Variants in KMT2D observed in about 807,000 individuals in gnomAD.
The protein encoded by KMT2D is lysine methyltransferase 2D, also known as histone-lysine N-methyltransferase 2D.
KMT2D carries 55 observed loss-of-function variants against 512.7 expected under a neutral mutation model. That is an observed-to-expected ratio of 0.11 (90% confidence interval 0.09 to 0.13). The LOEUF (loss-of-function observed/expected upper bound fraction) is 0.13, where lower values mean the gene tolerates loss of function less well. Ranked by LOEUF, KMT2D falls within the 10% of genes least tolerant of loss-of-function variation. The pLI, the probability that KMT2D is intolerant of heterozygous loss-of-function variation, is 1.00. For synonymous variants in KMT2D, 2,995 were observed against 2,904.0 expected, an observed-to-expected ratio of 1.03 and a Z score of -1.01; for missense variants, 6,061 against 7,127.9, an observed-to-expected ratio of 0.85 and a Z score of 5.39.
intron 19 of KMT2D, among the ~76,000 whole-genome samples, chr12:49,045,509 T>C (rs1943741830): frequency 6.6e-6 from 1 of 151,956 alleles, no homozygotes; most frequent in South Asian, 2.1e-4. Context: ...CCGGGCGTGG[T>C]GGCGGGCACC....
chr12:49,036,460 C>T (rs1943220635), intron 35 of KMT2D, among the ~76,000 whole-genome samples: 1 of 149,828 alleles, frequency 6.7e-6, no homozygotes, highest in Non-Finnish European at 1.5e-5. Context: ...TACAGGCGTG[C>T]ACCACCACAC....
rs1432001329 is a variant in KMT2D, at chr12:49,041,004, C to A, written c.6766G>T (p.Ala2256Ser). The A allele has an allele frequency of 6.3e-7, 1 of 1,592,892 alleles. No individual in the cohort carries two copies. Among genetic ancestry groups the A allele is most frequent in the Non-Finnish European group, 8.6e-7 (1 of 1,168,510 alleles). The change falls in exon 32 of 55, where the codon GCT (alanine) becomes TCT (serine). Residue 2256 changes from alanine (A) to serine (S), a missense_variant. Physicochemically the swap from Ala to Ser is moderately conservative, Grantham distance 99. This residue lies in a region of KMT2D where 710 missense variants were observed against 647.3 expected (regional missense o/e 1.10). Coordinates refer to ENST00000301067, the MANE Select transcript of KMT2D (RefSeq NM_003482.4). The surrounding 1 kb of genome is among the most constrained non-coding windows in gnomAD (Gnocchi z 5.4). ...KPRCPSLDNL[A>S]VPESPGVGGG... ...CCTACCCCAGGGCTCTCAGGCACAG[C>A]CAAGTTATCCAGCGAGGGGCAGCGG...
chr12:49,057,420 C>T (rs1036572787), intron 1 of KMT2D, among the ~76,000 whole-genome samples: 1 of 152,172 alleles, frequency 6.6e-6, no homozygotes, highest in South Asian at 2.1e-4. Flanking sequence ...CCTCAGCCCT[C>T]CCCCGAGCTC....
At position 49,034,464 on chromosome 12, in the gene KMT2D, C is replaced by T; in HGVS notation, c.10453G>A (p.Gly3485Ser). The stretch of plus-strand genomic sequence containing the variant: ...TTGGGACGAGGCTGGGAGGGATCAC[C>T]AGCACTCCGCTCCTGCAATGAGAGA... ...AAGSGQERSA[G>S]DPSQPRPNPP... is the part of the protein sequence containing the mutation. Residue 3485 changes from glycine (G) to serine (S), a missense_variant, in exon 38 of 55, where the codon GGT becomes AGT. By Grantham distance (56) the Gly-to-Ser change is moderately conservative. Transcript: ENST00000301067. 6.2e-7 allele frequency: 1 copy of T among 1,613,740 alleles called. No homozygotes were observed. The highest frequency in any genetic ancestry group is 8.5e-7 in the Non-Finnish European group (1 of 1,179,818).
At position 49,037,443 on chromosome 12, in the gene KMT2D, T is replaced by C. The variant is rs755854926; in HGVS notation, c.9913A>G (p.Ser3305Gly). 2.0e-5 allele frequency: 32 copies of C among 1,583,570 alleles called. No individual in the cohort carries two copies. In the South Asian group the frequency reaches 3.5e-4, roughly 17 times the overall value. ...MSLPHEGSSP[S>G]LAGSQQQLSL... ...AGCTGCTGTTGGGACCCAGCCAAAC[T>C]GGGAGAAGAGCCCTCATGTGGCAAA... The change falls in exon 35 of 55, where the codon AGT (serine) becomes GGT (glycine). Residue 3305 changes from serine to glycine, a missense_variant. Physicochemically the swap from Ser to Gly is moderately conservative, Grantham distance 56. Around this residue, in one of 16 missense-constraint regions of KMT2D, gnomAD observed 533 missense variants for 539.6 expected, o/e 0.99. Transcript: ENST00000301067.
At chr12:49,045,281 T>C (rs1010775930) in intron 19 of KMT2D, among the ~76,000 whole-genome samples, 3 of 152,152 alleles carry the variant, frequency 2.0e-5, no homozygotes, top group African/African-American at 7.2e-5. Flanking sequence ...CAGCACACAG[T>C]GTCCTAGATG....
chr12:49,032,112 C>G lies in KMT2D; in HGVS notation c.12593G>C (p.Arg4198Pro). The change falls in exon 40 of 55, where the codon CGA becomes CCA. Residue 4198 changes from arginine to proline, a missense_variant. Transcript: ENST00000301067. ...GGCCAGGACTCCTTGGAGCTGTGCTCGAAGCTGACCCACCGTAGGCATGAT... is the reference window on the plus strand; with the variant it reads ...GGCCAGGACTCCTTGGAGCTGTGCTGGAAGCTGACCCACCGTAGGCATGAT... ...VGIMPTVGQL[R>P]AQLQGVLAKN... 2 of 1,613,832 alleles carry G rather than the reference C, an allele frequency of 1.2e-6. No homozygotes were observed. Among genetic ancestry groups the G allele is most frequent in the Non-Finnish European group, 1.7e-6 (2 of 1,179,828 alleles).
At position 49,042,480 on chromosome 12, in the gene KMT2D, T is replaced by G. The variant is rs1343589973; in HGVS notation, c.5867+81A>C. 1.3e-6 allele frequency: 2 copies of G among 1,539,246 alleles called. No individual in the cohort carries two copies. The highest frequency in any genetic ancestry group is 4.8e-5 in the East Asian group (2 of 42,048). On this transcript the variant is annotated intron_variant, in intron 28 of 54. Coordinates refer to ENST00000301067, the MANE Select transcript of KMT2D (RefSeq NM_003482.4). The surrounding 1 kb of genome is among the most constrained non-coding windows in gnomAD (Gnocchi z 4.4). ...AGGAGCAGGGGAAGTGCTGCAGGAG[T>G]CCGAGGGAGGCAAAGCATGAACTCA...
rs775496424 is a variant in KMT2D, at chr12:49,051,104, A to C, written c.2579T>G (p.Leu860Arg). 4 of 1,521,404 alleles carry C rather than the reference A, an allele frequency of 2.6e-6. No homozygotes were observed. The highest frequency in any genetic ancestry group is 3.5e-6 in the Non-Finnish European group (4 of 1,136,538). The allele number at this position is 1,521,404 out of a possible 1,614,324, so 94.2% of individuals were successfully genotyped here. A position where few individuals can be genotyped will look rare whatever the true frequency, so the allele number is the denominator to read the frequency against. Residue 860 changes from leucine (L) to arginine (R), a missense_variant, in exon 11 of 55, where the codon CTG becomes CGG. By Grantham distance (102) the Leu-to-Arg change is moderately radical (BLOSUM62 -2). Coordinates refer to ENST00000301067, the MANE Select transcript of KMT2D (RefSeq NM_003482.4). ...AGGGGGCTTTTCAGGCCGAGGGGAC[A>C]GGGGTGGCTTCTCAAGCTCAGGGGA... Reference protein sequence around the residue: ...HLSPELEKPPLSPRPEKPPEE... With the variant: ...HLSPELEKPPRSPRPEKPPEE...
In KMT2D at chr12:49,032,573, A is replaced by G. The variant is rs1351377840; in HGVS notation, c.12132T>C (p.His4044=). 1 of 1,613,534 alleles carries G rather than the reference A, an allele frequency of 6.2e-7. No homozygotes were observed. The highest frequency in any genetic ancestry group is 1.7e-5 in the Admixed American group (1 of 59,960). Residue 4044 remains histidine, a synonymous_variant, in exon 40 of 55, where the codon CAT becomes CAC. Coordinates refer to ENST00000301067, the MANE Select transcript of KMT2D (RefSeq NM_003482.4). The stretch of plus-strand genomic sequence containing the variant: ...TTCCTATTGCTAACGGCCCTCCCTG[A>G]TGTGTAGAGGGCCCCTCAGTGGCCT... ...SSEATEGPST[H]QGGPLAIGTT...
In KMT2D at chr12:49,031,470, T is replaced by C; in HGVS notation, c.13235A>G (p.Gln4412Arg). Residue 4412 changes from glutamine (Q) to arginine (R), a missense_variant, in exon 40 of 55, where the codon CAA becomes CGA. Gln to Arg is a conservative substitution (Grantham distance 43). Coordinates refer to ENST00000301067, the MANE Select transcript of KMT2D (RefSeq NM_003482.4). ...CCGAGGTTCCTGCTTGATGCTGAGT[T>C]GGGATGCCTCAGGCACCACCTGTCC... ...VNGQVVPEAS[Q>R]LSIKQEPREE... The C allele has an allele frequency of 6.2e-7, 1 of 1,613,732 alleles. No homozygotes were observed. Among genetic ancestry groups the C allele is most frequent in the South Asian group, 1.1e-5 (1 of 91,054 alleles).
In KMT2D at chr12:49,044,631, C is replaced by T. The variant is rs1180986914; in HGVS notation, c.4964-109G>A. ...ATACCTTGCCTCAGAGCCACTTAGA[C>T]GAGACAGCAGTGCTTAAGGGTAACT... On this transcript the variant is annotated intron_variant, in intron 20 of 54. Coordinates refer to ENST00000301067, the MANE Select transcript of KMT2D (RefSeq NM_003482.4). The surrounding 1 kb of genome is among the most constrained non-coding windows in gnomAD (Gnocchi z 6.4). 50 of 1,555,732 alleles carry T rather than the reference C, an allele frequency of 3.2e-5. No individual in the cohort carries two copies. The highest frequency in any genetic ancestry group is 3.9e-5 in the Non-Finnish European group (45 of 1,144,364).
chr12:49,026,404 T>C lies in KMT2D; in HGVS notation c.15562A>G (p.Ile5188Val), dbSNP rs778247722. 19 of 1,613,882 alleles carry C rather than the reference T, an allele frequency of 1.2e-5. No individual in the cohort carries two copies. Among genetic ancestry groups the C allele is most frequent in the Middle Eastern group, 1.6e-4 (1 of 6,062 alleles). Residue 5188 changes from isoleucine to valine, a missense_variant, in exon 49 of 55, where the codon ATC becomes GTC. Physicochemically the swap from Ile to Val is conservative, Grantham distance 29. Coordinates refer to ENST00000301067, the MANE Select transcript of KMT2D (RefSeq NM_003482.4). This position sits in a 1 kb window ranked among gnomAD's most constrained non-coding sequence, Gnocchi z 9.6. ...ATCTGGTGAGGCAGCAGCTGTCCGA[T>C]GGCGTGGAACACAAGGCCCCCCACA... ...FRVGGLVFHAIGQLLPHQMAD... is the reference protein window; with the variant it reads ...FRVGGLVFHAVGQLLPHQMAD...
rs1234647444 is a variant in KMT2D at position 49,046,574 on chromosome 12, C to A, written c.4418+35G>T. The A allele has an allele frequency of 1.3e-5, 21 of 1,593,982 alleles. No individual in the cohort carries two copies. The Middle Eastern group carries it at 1.4e-3, about 105-fold the overall frequency. On this transcript the variant is annotated intron_variant, in intron 16 of 54. Transcript: ENST00000301067. The surrounding 1 kb of genome is among the most constrained non-coding windows in gnomAD (Gnocchi z 4.2). ...TCATATCCACTTTAACATCTCAAGG[C>A]CCCAGGGCTCCACTGAAGATCCCAG...
Position 49,030,731 on chromosome 12 carries a change from G to A in KMT2D, c.13709C>T (p.Thr4570Ile), listed in dbSNP as rs1942862252. The change falls in exon 42 of 55, where the codon ACC (threonine) becomes ATC (isoleucine). Residue 4570 changes from threonine to isoleucine, a missense_variant. This residue lies in a region of KMT2D where 1,600 missense variants were observed against 1,754.9 expected (regional missense o/e 0.91). Coordinates refer to ENST00000301067, the MANE Select transcript of KMT2D (RefSeq NM_003482.4). ...GGGGGCAAAGAGGCTAAAATTGGCG[G>A]TGATAGCAGGCTCCGTTAGGGGCAG... is the stretch of plus-strand genomic sequence containing the variant. ...SLLPLTEPAI[T>I]ANFSLFAPFG... The A allele has an allele frequency of 3.7e-6, 6 of 1,613,702 alleles. No homozygotes were observed. The highest frequency in any genetic ancestry group is 5.1e-6 in the Non-Finnish European group (6 of 1,179,882).
chr12:49,042,599 G>A lies in KMT2D; in HGVS notation c.5829C>T (p.Ser1943=), dbSNP rs2120557290. 2 of 1,613,864 alleles carry A rather than the reference G, an allele frequency of 1.2e-6. No homozygotes were observed. The highest frequency in any genetic ancestry group is 1.7e-6 in the Non-Finnish European group (2 of 1,179,788). Residue 1943 remains serine (S), a synonymous_variant, in exon 28 of 55, where the codon TCC becomes TCT. Coordinates refer to ENST00000301067, the MANE Select transcript of KMT2D (RefSeq NM_003482.4). This position sits in a 1 kb window ranked among gnomAD's most constrained non-coding sequence, Gnocchi z 4.4. ...GNLPSSSPMD[S]YPGLCQSPFL... ...ACGGGGACTGGCAGAGGCCTGGGTA[G>A]GAGTCCATTGGGCTGCTGGAGGGCA...
At position 49,044,530 on chromosome 12, in the gene KMT2D, T is replaced by C. The variant is rs749787920; in HGVS notation, c.4964-8A>G. On this transcript the variant is annotated splice_region_variant and splice_polypyrimidine_tract_variant and intron_variant, in intron 20 of 54. Coordinates refer to ENST00000301067, the MANE Select transcript of KMT2D (RefSeq NM_003482.4). This position sits in a 1 kb window ranked among gnomAD's most constrained non-coding sequence, Gnocchi z 6.4. ...CCATGTGCTCCACACCACCTGCGTATGGTGACAGAAGAGATGGAGGCAAAT... is the reference window on the plus strand; with the variant it reads ...CCATGTGCTCCACACCACCTGCGTACGGTGACAGAAGAGATGGAGGCAAAT... 1 of 1,613,646 alleles carries C rather than the reference T, an allele frequency of 6.2e-7. No homozygotes were observed.
In KMT2D at chr12:49,032,321, T is replaced by C. The variant is rs1942960475; in HGVS notation, c.12384A>G (p.Ser4128=). The part of the protein sequence containing the change: ...QLGSGSSSEA[S]SVPHLLAQPS... Reference sequence around the variant, plus strand: ...GCTGAGCCAGCAGGTGGGGCACAGATGAGGCCTCAGAAGATGATCCACTGC... The same window carrying C: ...GCTGAGCCAGCAGGTGGGGCACAGACGAGGCCTCAGAAGATGATCCACTGC... The change falls in exon 40 of 55, where the codon TCA becomes TCG. Residue 4128 remains serine, a synonymous_variant. Coordinates refer to ENST00000301067, the MANE Select transcript of KMT2D (RefSeq NM_003482.4). The C allele has an allele frequency of 4.3e-6, 7 of 1,613,822 alleles. No individual in the cohort carries two copies. The highest frequency in any genetic ancestry group is 5.9e-6 in the Non-Finnish European group (7 of 1,179,814).
chr12:49,026,207 C>T lies in KMT2D; in HGVS notation c.15759G>A (p.Leu5253=), dbSNP rs772660269. The part of the protein sequence containing the change: ...IKVIEQGLED[L]VFTDASPQAV... ...CCTGGGGAGAGGCGTCAGTGAAGAC[C>T]AGGTCCTCCAGGCCCTGCTCGATGA... Residue 5253 remains leucine, a synonymous_variant, in exon 49 of 55, where the codon CTG becomes CTA. Transcript: ENST00000301067. This position sits in a 1 kb window ranked among gnomAD's most constrained non-coding sequence, Gnocchi z 9.6. 6.3e-7 allele frequency: 1 copy of T among 1,591,026 alleles called. No homozygotes were observed. Among genetic ancestry groups the T allele is most frequent in the South Asian group, 1.1e-5 (1 of 89,474 alleles).
Sources: gnomAD v4.1 joint callset for allele counts (sites outside exome capture counted in the v4.1 genomes callset) on GRCh38, gnomAD v4.1.1 for gene constraint, gnomAD v4.1.1 regional missense constraint, Gnocchi (gnomAD v3.1) non-coding constraint, MANE v1.5 for transcripts, NCBI Gene and HGNC (gene_info 2026-07-23, HGNC 2026-07-21) for gene names.